UST: variants seen among roughly 807,000 people sequenced by gnomAD.
UST encodes uronyl 2-sulfotransferase, also known as chondroitin sulfate 2-O-sulfotransferase.
Under a neutral mutation model 45.6 loss-of-function variants are expected in UST, and 21 were observed. That is an observed-to-expected ratio of 0.46 (90% CI 0.33 to 0.66). The LOEUF (loss-of-function observed/expected upper bound fraction) is 0.66, where lower values mean the gene tolerates loss of function less well. Among genes scored for constraint, UST ranks in the 30% least tolerant of loss-of-function variants. The probability of loss-of-function intolerance (pLI) is 0.02; values close to 1 mark genes in which losing one functional copy is unlikely to be tolerated. For missense variants in UST, 463 were observed against 512.4 expected (o/e 0.90, Z 0.93); for synonymous variants, 215 against 200.6 (o/e 1.07, Z -0.61).
At chr6:148,763,203 G>A (rs1296238981) in intron 1 of UST, among the ~76,000 whole-genome samples, 1 of 152,148 alleles carries the variant, frequency 6.6e-6, no homozygotes, top group African/African-American at 2.4e-5. Context: ...ATTCTGACTG[G>A]TGTGAGATGG....
At chr6:148,757,716 T>C (rs939611639) in intron 1 of UST, among the ~76,000 whole-genome samples, 1 of 152,242 alleles carries the variant, frequency 6.6e-6, no homozygotes, top group Non-Finnish European at 1.5e-5. Context: ...GTTTTTTAGT[T>C]CAAGGAGTAC....
intron 7 of UST, among the ~76,000 whole-genome samples, chr6:149,073,054 T>G: frequency 6.6e-6 from 1 of 152,366 alleles, no homozygotes. Flanking sequence ...GCAATGAATA[T>G]AAAATATATT....
intron 7 of UST, among the ~76,000 whole-genome samples, chr6:149,069,197 G>C (rs1028692469): frequency 1.3e-5 from 2 of 152,142 alleles, no homozygotes; most frequent in African/African-American, 4.8e-5. Context: ...CAGTAAACAC[G>C]TGAGCATGCA....
intron 1 of UST, among the ~76,000 whole-genome samples, chr6:148,872,351 T>C (rs1778574817): frequency 6.6e-6 from 1 of 152,226 alleles, no homozygotes; most frequent in Non-Finnish European, 1.5e-5. Flanking sequence ...TATGTAATTA[T>C]TCATAAAACA....
chr6:149,020,231 T>C (rs1380796344), intron 6 of UST, among the ~76,000 whole-genome samples: 2 of 152,224 alleles, frequency 1.3e-5, no homozygotes, highest in Non-Finnish European at 2.9e-5. Flanking sequence ...AGAGTTTGCT[T>C]ATAGTCCAAA....
chr6:148,896,700 T>C (rs577231664), intron 2 of UST, among the ~76,000 whole-genome samples: 1 of 152,258 alleles, frequency 6.6e-6, no homozygotes, highest in South Asian at 2.1e-4. Flanking sequence ...ATATATCCAG[T>C]ATGTCCAATG....
intron 1 of UST, among the ~76,000 whole-genome samples, chr6:148,829,530 G>A (rs976671293): frequency 6.6e-6 from 1 of 152,052 alleles, no homozygotes; most frequent in African/African-American, 2.4e-5. Context: ...TCCAAAATCC[G>A]GCTCAAATCC....
chr6:149,046,444 G>A (rs902027149), intron 7 of UST, among the ~76,000 whole-genome samples: 5 of 152,232 alleles, frequency 3.3e-5, no homozygotes, highest in Non-Finnish European at 5.9e-5. Context: ...TTAACAAGAA[G>A]GCATCTTCTA....
intron 7 of UST, among the ~76,000 whole-genome samples, chr6:149,055,407 C>T (rs1283019919): frequency 1.3e-5 from 2 of 152,092 alleles, no homozygotes; most frequent in Non-Finnish European, 2.9e-5. Context: ...CCCAATAAAA[C>T]TAAACTAAAA....
chr6:148,910,790 T>C (rs1779457508), intron 2 of UST, among the ~76,000 whole-genome samples: 1 of 152,184 alleles, frequency 6.6e-6, no homozygotes, highest in African/African-American at 2.4e-5. Flanking sequence ...TAAACATGCA[T>C]CCTAAGGTAA....
At chr6:148,894,673 C>T (rs1468269370) in intron 2 of UST, among the ~76,000 whole-genome samples, 1 of 151,962 alleles carries the variant, frequency 6.6e-6, no homozygotes, top group Admixed American at 6.6e-5. Flanking sequence ...TACAGCAGCC[C>T]CAGGTAGCAA....
intron 1 of UST, among the ~76,000 whole-genome samples, chr6:148,813,067 C>G (rs1040456927): frequency 4.6e-5 from 7 of 152,108 alleles, no homozygotes; most frequent in African/African-American, 1.7e-4. Flanking sequence ...CATGTATGTA[C>G]ACACACACAT....
chr6:148,774,583 A>C (rs1582802933), intron 1 of UST, among the ~76,000 whole-genome samples: 1 of 152,320 alleles, frequency 6.6e-6, no homozygotes, highest in East Asian at 1.9e-4. Flanking sequence ...CAGAGAGATC[A>C]ATACAGTAAT....
At chr6:148,750,569 A>C (rs1432625820) in intron 1 of UST, among the ~76,000 whole-genome samples, 3 of 152,242 alleles carry the variant, frequency 2.0e-5, no homozygotes, top group Non-Finnish European at 2.9e-5. Context: ...TACCCATTGC[A>C]TAGCACTATG....
At chr6:148,763,160 C>T (rs1420119738) in intron 1 of UST, among the ~76,000 whole-genome samples, 5 of 152,162 alleles carry the variant, frequency 3.3e-5, no homozygotes, top group African/African-American at 1.2e-4. Context: ...TCCTTGCCAA[C>T]ATCTGTTGTT....
At chr6:148,937,777 A>G (rs924066927) in intron 2 of UST, among the ~76,000 whole-genome samples, 2 of 152,164 alleles carry the variant, frequency 1.3e-5, no homozygotes, top group Non-Finnish European at 2.9e-5. Context: ...ATGAGACGGG[A>G]AAAAATGCAC....
At chr6:148,780,393 C>T (rs1054424587) in intron 1 of UST, among the ~76,000 whole-genome samples, 6 of 151,992 alleles carry the variant, frequency 3.9e-5, no homozygotes, top group African/African-American at 1.5e-4. Context: ...AGGTACTAAG[C>T]CCAGTACCCT....
chr6:148,828,583 T>G (rs1777617441), intron 1 of UST, among the ~76,000 whole-genome samples: 1 of 152,222 alleles, frequency 6.6e-6, no homozygotes, highest in African/African-American at 2.4e-5. Flanking sequence ...TCTAGATTTA[T>G]GTCCTTGGCA....
chr6:148,833,184 G>A (rs941683041), intron 1 of UST, among the ~76,000 whole-genome samples: 1 of 152,136 alleles, frequency 6.6e-6, no homozygotes, highest in African/African-American at 2.4e-5. Context: ...GTATAAGCAT[G>A]TTTTTTAAAA....
Sources: allele counts gnomAD v4.1 joint callset (sites outside exome capture counted in the v4.1 genomes callset), GRCh38; gene constraint gnomAD v4.1.1; transcripts MANE v1.5; gene names NCBI Gene and HGNC (gene_info 2026-07-23, HGNC 2026-07-21).